Variants in SLC38A7 observed in about 807,000 individuals in gnomAD.
The protein encoded by SLC38A7 is solute carrier family 38 member 7, also known as sodium-coupled neutral amino acid transporter 7.
In SLC38A7, 29 loss-of-function variants were observed where a neutral mutation model predicts 50.1. The observed-to-expected ratio is 0.58, with a 90% CI of 0.43 to 0.79. SLC38A7 has a LOEUF of 0.79. Among genes scored for constraint, SLC38A7 ranks in the 30% least tolerant of loss-of-function variants. The pLI is 0.00. For missense variants in SLC38A7, 483 were observed against 610.6 expected (o/e 0.79, Z 2.20); for synonymous variants, 244 against 245.9 (o/e 0.99, Z 0.07).
At chr16:58,677,716 C>T (rs2044299687) in intron 5 of SLC38A7, 7 of 407,204 alleles carry the variant, frequency 1.7e-5, no homozygotes, top group Admixed American at 1.0e-4. Flanking sequence ...CCAAAGCACA[C>T]CTGGGACTTG....
chr16:58,670,165 G>C lies in SLC38A7; in HGVS notation c.1234C>G (p.Leu412Val). ...AACFIFVFPGLCLIQAKLSEM... is the reference protein window; with the variant it reads ...AACFIFVFPGVCLIQAKLSEM... The stretch of plus-strand genomic sequence containing the variant: ...GAGAGTTTGGCTTGAATGAGGCACA[G>C]CCCTGAAAGAGAAGAAGTGGCCCTG... Residue 412 changes from leucine to valine, a missense_variant and splice_region_variant, in exon 11 of 12, where the codon CTG becomes GTG. By Grantham distance (32) the Leu-to-Val change is conservative. Transcript: ENST00000219320. The C allele has an allele frequency of 6.2e-7, 1 of 1,614,140 alleles. No individual in the cohort carries two copies. Among genetic ancestry groups the C allele is most frequent in the South Asian group, 1.1e-5 (1 of 91,080 alleles).
At position 58,676,074 on chromosome 16, in the gene SLC38A7, C is replaced by T. The variant is rs753212778; in HGVS notation, c.769-20G>A. ...GTGGCACTGTCCAGGTGAAGGGCAC[C>T]GTCATGGTGGGGAAATGACCTCAAC... is the stretch of plus-strand genomic sequence containing the variant. On this transcript the variant is annotated intron_variant, in intron 7 of 11. Transcript: ENST00000219320. 2.0e-5 allele frequency: 32 copies of T among 1,608,370 alleles called. No homozygotes were observed. Among genetic ancestry groups the T allele is most frequent in the African/African-American group, 5.4e-5 (4 of 74,758 alleles).
chr16:58,668,989 C>T (rs2044103908), intron 11 of SLC38A7, among the ~76,000 whole-genome samples: 1 of 151,608 alleles, frequency 6.6e-6, no homozygotes, highest in East Asian at 2.0e-4. Context: ...AGGCTGGTCT[C>T]GAACTCCTGA....
At chr16:58,680,750 G>A (rs994579538) in intron 2 of SLC38A7, among the ~76,000 whole-genome samples, 2 of 152,138 alleles carry the variant, frequency 1.3e-5, no homozygotes, top group Admixed American at 6.5e-5. Context: ...CACGCCTCCC[G>A]GTGGCCTGGA....
intron 11 of SLC38A7, among the ~76,000 whole-genome samples, chr16:58,667,814 G>A (rs568383059): frequency 6.6e-6 from 1 of 152,294 alleles, no homozygotes; most frequent in East Asian, 1.9e-4. Flanking sequence ...GAAACAAAAA[G>A]CAGACATCTG....
intron 6 of SLC38A7, 32 bp downstream of exon 6, chr16:58,677,294 T>C: frequency 6.3e-7 from 1 of 1,595,770 alleles, no homozygotes; most frequent in Non-Finnish European, 8.6e-7. Flanking sequence ...TGGTGGCTTC[T>C]TCCCCATGTC....
intron 8 of SLC38A7, among the ~76,000 whole-genome samples, chr16:58,674,070 C>T (rs1310049843): frequency 6.6e-6 from 1 of 151,996 alleles, no homozygotes; most frequent in Non-Finnish European, 1.5e-5. Flanking sequence ...AGTGATTCAC[C>T]CACCTTGGCC....
rs1365406069 is a variant in SLC38A7, at chr16:58,684,110, T to C, written c.-271A>G. ...TGTCAGCAGAGGGAAGAGTTTGGGCTACTTCTGTGCTGGCTTCAGCAGAGC... is the reference window on the plus strand; with the variant it reads ...TGTCAGCAGAGGGAAGAGTTTGGGCCACTTCTGTGCTGGCTTCAGCAGAGC... On this transcript the variant is annotated 5_prime_UTR_variant, in exon 2 of 12. Transcript: ENST00000219320. 1 of 152,400 alleles carries C rather than the reference T, an allele frequency of 6.6e-6. No individual in the cohort carries two copies. Among genetic ancestry groups the C allele is most frequent in the East Asian group, 1.9e-4 (1 of 5,206 alleles). The allele number at this position is 152,400 out of a possible 1,614,324, so 9.4% of individuals were successfully genotyped here.
intron 2 of SLC38A7, chr16:58,681,840 G>A (rs891211881): frequency 6.6e-6 from 1 of 152,158 alleles, no homozygotes; most frequent in African/African-American, 2.4e-5. Context: ...CCCTAAGCAA[G>A]CAGGGAGCAG....
intron 7 of SLC38A7, 57 bp from the exon 8 acceptor site, chr16:58,676,111 G>C: frequency 6.3e-7 from 1 of 1,583,240 alleles, no homozygotes; most frequent in South Asian, 1.1e-5. Flanking sequence ...CCAGTTTCCA[G>C]AGGAAGGTAC....
intron 5 of SLC38A7, 87 bp from the exon 6 acceptor site, chr16:58,677,511 C>A: frequency 8.7e-7 from 1 of 1,151,032 alleles, no homozygotes; most frequent in South Asian, 1.3e-5. Flanking sequence ...TCAGCTCTAG[C>A]GACCACAAGT....
rs1290248302 is a variant in SLC38A7 at position 58,679,972 on chromosome 16, G to A, written c.155C>T (p.Ser52Phe). Reference sequence around the variant, plus strand: ...GACGATGAAGATGGCCCCAAGTGTGGAAGTGGTGCCTCTGTCCAGACCCCC... The same window carrying A: ...GACGATGAAGATGGCCCCAAGTGTGAAAGTGGTGCCTCTGTCCAGACCCCC... ...SPGGLDRGTT[S>F]TLGAIFIVVN... The change falls in exon 3 of 12, where the codon TCC (serine) becomes TTC (phenylalanine). Residue 52 changes from serine (S) to phenylalanine (F), a missense_variant. Ser to Phe is a radical substitution (Grantham distance 155, BLOSUM62 -2). Transcript: ENST00000219320. 1 of 1,612,416 alleles carries A rather than the reference G, an allele frequency of 6.2e-7. No homozygotes were observed. Among genetic ancestry groups the A allele is most frequent in the South Asian group, 1.1e-5 (1 of 90,786 alleles).
Position 58,678,110 on chromosome 16 carries a change from G to A in SLC38A7, c.611+223C>T, listed in dbSNP as rs536740050. On this transcript the variant is annotated intron_variant, in intron 5 of 11. Transcript: ENST00000219320. This position sits in a 1 kb window ranked among gnomAD's most constrained non-coding sequence, Gnocchi z 4.0. ...AACTGAACTACTCATGGATGCAAAA[G>A]GACATTTAGAACTGAATCTCTCATG... 2.7e-4 allele frequency among the ~76,000 whole-genome samples: 41 copies of A among 152,254 alleles called. 1 individual carries two copies. The highest frequency in any genetic ancestry group is 8.7e-4 in the African/African-American group (36 of 41,548).
intron 10 of SLC38A7, 39 bp from the exon 11 acceptor site, chr16:58,670,206 A>C (rs985431579): frequency 3.8e-6 from 6 of 1,595,748 alleles, no homozygotes; most frequent in Non-Finnish European, 5.2e-6. Context: ...TTGTGAGGGG[A>C]GAGGGCTCCC....
chr16:58,677,385 G>A lies in SLC38A7; in HGVS notation c.651C>T (p.Ile217=), dbSNP rs557755963. The A allele has an allele frequency of 1.3e-5, 21 of 1,613,648 alleles. No homozygotes were observed. The Admixed American group carries it at 1.5e-4, about 12-fold the overall frequency. Residue 217 remains isoleucine, a synonymous_variant, in exon 6 of 12, where the codon ATC becomes ATT. Transcript: ENST00000219320. ...CTGGCCAGATGTACTTGATGATAAC[G>A]ATGGCTGTGACGTACCAGGTACCCA... is the stretch of plus-strand genomic sequence containing the variant. ...SVVGTWYVTA[I]VIIKYIWPDK... is the part of the protein sequence containing the mutation.
In SLC38A7 at chr16:58,677,402, A is replaced by C. The variant is rs1160423533; in HGVS notation, c.634T>G (p.Trp212Gly). The change falls in exon 6 of 12, where the codon TGG becomes GGG. Residue 212 changes from tryptophan (W) to glycine (G), a missense_variant. By Grantham distance (184) the Trp-to-Gly change is radical. Coordinates refer to ENST00000219320, the MANE Select transcript of SLC38A7 (RefSeq NM_018231.3). ...YASFLSVVGT[W>G]YVTAIVIIKY... Reference sequence around the variant, plus strand: ...ATGATAACGATGGCTGTGACGTACCAGGTACCCACGACGCTCAGGAAGCTG... The same window carrying C: ...ATGATAACGATGGCTGTGACGTACCCGGTACCCACGACGCTCAGGAAGCTG... The C allele has an allele frequency of 2.5e-6, 4 of 1,613,650 alleles. No individual in the cohort carries two copies. Among genetic ancestry groups the C allele is most frequent in the East Asian group, 4.5e-5 (2 of 44,820 alleles).
intron 6 of SLC38A7, 104 bp downstream of exon 6, chr16:58,677,222 G>T: frequency 1.1e-6 from 1 of 915,902 alleles, no homozygotes; most frequent in Non-Finnish European, 1.8e-6. Flanking sequence ...GAGCTCATGA[G>T]CCTTGAGAAG....
rs983423725 is a variant in SLC38A7 at position 58,667,070 on chromosome 16, T to G, written c.*315A>C. 4.5e-6 allele frequency: 2 copies of G among 441,468 alleles called. No homozygotes were observed. 27.3% of individuals were successfully genotyped at this position (441,468 alleles called of 1,614,324 possible). On this transcript the variant is annotated 3_prime_UTR_variant, in exon 12 of 12. Coordinates refer to ENST00000219320, the MANE Select transcript of SLC38A7 (RefSeq NM_018231.3). ...GGAAGTCAGACTGGATTCTTTCTTA[T>G]GAGATCTACCGACTCTCTTCACCCG...
chr16:58,667,430 G>A lies in SLC38A7; in HGVS notation c.1344C>T (p.Phe448=), dbSNP rs759252719. Residue 448 remains phenylalanine, a synonymous_variant, in exon 12 of 12, where the codon TTC becomes TTT. Transcript: ENST00000219320. ...VLLVTLGAFI[F]GQTTANAIFV... ...AGATGGCGTTGGCTGTGGTCTGGCC[G>A]AAGATGAAGGCTCCCAGGGTGACCA... 4.7e-5 allele frequency: 76 copies of A among 1,613,902 alleles called. No individual in the cohort carries two copies. The highest frequency in any genetic ancestry group is 6.1e-5 in the Non-Finnish European group (72 of 1,180,026).
Sources: allele counts gnomAD v4.1 joint callset (sites outside exome capture counted in the v4.1 genomes callset), GRCh38; gene constraint gnomAD v4.1.1; non-coding constraint Gnocchi (gnomAD v3.1); transcripts MANE v1.5; gene names NCBI Gene and HGNC (gene_info 2026-07-23, HGNC 2026-07-21).